The following PCOLCE2 variants were observed in gnomAD, a reference collection of about 807,000 sequenced individuals.
PCOLCE2 encodes the protein procollagen C-proteinase enhancer 2.
Under a neutral mutation model 47.0 loss-of-function variants are expected in PCOLCE2, and 42 were observed. The ratio of observed to expected loss-of-function variants is 0.89; its 90% confidence interval spans 0.70 to 1.16. PCOLCE2 has a LOEUF of 1.16. Among genes scored for constraint, PCOLCE2 ranks in the 50% most tolerant of loss-of-function variants. The pLI is 0.00. For missense variants in PCOLCE2, 500 were observed against 526.1 expected (o/e 0.95, Z 0.49); for synonymous variants, 169 against 191.7 (o/e 0.88, Z 0.98).
intron 8 of PCOLCE2, 75 bp downstream of exon 8, chr3:142,820,803 T>G (rs564243552): frequency 2.3e-5 from 30 of 1,318,996 alleles, no homozygotes; most frequent in Admixed American, 1.1e-4. Flanking sequence ...TAGCCCTGAT[T>G]TTACTTCCCT....
chr3:142,884,529 CAA>C (rs1933686071), intron 2 of PCOLCE2, among the ~76,000 whole-genome samples: 3 of 152,184 alleles, frequency 2.0e-5, no homozygotes, highest in Non-Finnish European at 4.4e-5. Flanking sequence ...TCATGGATTA[CAA>C]AATATTCAAC....
At chr3:142,859,360 G>A (rs1036127883) in intron 2 of PCOLCE2, among the ~76,000 whole-genome samples, 1 of 151,698 alleles carries the variant, frequency 6.6e-6, no homozygotes, top group African/African-American at 2.4e-5. Flanking sequence ...AGCACACCTG[G>A]CCCATGTTTT....
intron 2 of PCOLCE2, chr3:142,863,742 A>G (rs1332637929): frequency 6.6e-6 from 1 of 152,236 alleles, no homozygotes; most frequent in Non-Finnish European, 1.5e-5. Context: ...CAAGCCTCCC[A>G]ACAACCTAGC....
At chr3:142,876,766 A>T (rs1255096522) in intron 2 of PCOLCE2, among the ~76,000 whole-genome samples, 1 of 152,190 alleles carries the variant, frequency 6.6e-6, no homozygotes, top group Non-Finnish European at 1.5e-5. Context: ...TCCTCACAGC[A>T]TGGTGGGCCT....
intron 2 of PCOLCE2, among the ~76,000 whole-genome samples, chr3:142,868,817 T>C (rs1422484922): frequency 6.6e-6 from 1 of 152,178 alleles, no homozygotes; most frequent in Admixed American, 6.5e-5. Flanking sequence ...CATTGCTCCA[T>C]CTGTAAGGGC....
Position 142,848,279 on chromosome 3 carries a change from T to A in PCOLCE2, c.386A>T (p.Asp129Val). Residue 129 changes from aspartate (D) to valine (V), a missense_variant, in exon 3 of 9, where the codon GAT (aspartate) becomes GTT (valine). Physicochemically the swap from Asp to Val is radical, Grantham distance 152. Coordinates refer to ENST00000295992, the MANE Select transcript of PCOLCE2 (RefSeq NM_013363.4). ...GAAGCCATTGCCAGCTGTGTTGGCA[T>A]CAGAAATCATCTGCACCATCATCTT... ...GNKMMVQMISDANTAGNGFMA... is the reference protein window; with the variant it reads ...GNKMMVQMISVANTAGNGFMA... 6.2e-7 allele frequency: 1 copy of A among 1,614,168 alleles called. No homozygotes were observed. Among genetic ancestry groups the A allele is most frequent in the African/African-American group, 1.3e-5 (1 of 75,046 alleles).
chr3:142,882,944 T>TA (rs1232724753), intron 2 of PCOLCE2, among the ~76,000 whole-genome samples: 1 of 152,024 alleles, frequency 6.6e-6, no homozygotes, highest in African/African-American at 2.4e-5. Context: ...CTCACGCCTG[T>TA]AATCCCAGCA....
chr3:142,858,502 G>A (rs530356720), intron 2 of PCOLCE2, among the ~76,000 whole-genome samples: 1 of 152,110 alleles, frequency 6.6e-6, no homozygotes, highest in African/African-American at 2.4e-5. Flanking sequence ...ACACACATGC[G>A]CACACATATA....
intron 2 of PCOLCE2, among the ~76,000 whole-genome samples, chr3:142,877,472 G>A (rs1328872592): frequency 6.6e-6 from 1 of 152,196 alleles, no homozygotes; most frequent in Non-Finnish European, 1.5e-5. Context: ...ACCTGGAAGG[G>A]AGGTTAAAAA....
At chr3:142,866,828 T>C (rs1289570518) in intron 2 of PCOLCE2, among the ~76,000 whole-genome samples, 1 of 152,202 alleles carries the variant, frequency 6.6e-6, no homozygotes, top group African/African-American at 2.4e-5. Flanking sequence ...GAAAATGGCC[T>C]GAAAAACCAG....
chr3:142,881,424 T>C (rs1055772971), intron 2 of PCOLCE2, among the ~76,000 whole-genome samples: 1 of 152,246 alleles, frequency 6.6e-6, no homozygotes, highest in African/African-American at 2.4e-5. Flanking sequence ...TTATTTTTAG[T>C]TCCATGATTT....
intron 6 of PCOLCE2, chr3:142,827,434 C>A (rs908834488): frequency 3.5e-5 from 54 of 1,561,276 alleles, no homozygotes; most frequent in Non-Finnish European, 4.8e-5. Flanking sequence ...TCACACGGGT[C>A]TTCTTGGTCT....
At chr3:142,833,018 C>G (rs758921699) in intron 5 of PCOLCE2, among the ~76,000 whole-genome samples, 6 of 152,206 alleles carry the variant, frequency 3.9e-5, no homozygotes. Context: ...AGGGCTGCCC[C>G]TCCTCCACCC....
At chr3:142,876,774 C>T (rs1933505329) in intron 2 of PCOLCE2, among the ~76,000 whole-genome samples, 1 of 152,192 alleles carries the variant, frequency 6.6e-6, no homozygotes, top group African/African-American at 2.4e-5. Flanking sequence ...GCATGGTGGG[C>T]CTTATATGGC....
intron 6 of PCOLCE2, among the ~76,000 whole-genome samples, chr3:142,823,997 C>A (rs1271601633): frequency 3.3e-5 from 5 of 152,310 alleles, no homozygotes; most frequent in Admixed American, 6.5e-5. Context: ...CCTCACTTTA[C>A]AAAAGGAATC....
chr3:142,888,846 GGCGGCAGCCA>G lies in PCOLCE2; in HGVS notation c.41_50del (p.Leu14ProfsTer54). 6.5e-7 allele frequency: 1 copy of G among 1,547,052 alleles called. No individual in the cohort carries two copies. Among genetic ancestry groups the G allele is most frequent in the Non-Finnish European group, 8.7e-7 (1 of 1,149,480 alleles). ...GGGACTGCTGCCGCGAGAGCTGGGT[GGCGGCAGCCA>G]GCAGCAGGCAGAGTGGCGCCCAGGC... On this transcript the variant is annotated frameshift_variant, in exon 1 of 9. Coordinates refer to ENST00000295992, the MANE Select transcript of PCOLCE2 (RefSeq NM_013363.4). LOFTEE classifies it high-confidence loss of function.
chr3:142,886,467 T>C (rs1290976922), intron 2 of PCOLCE2, among the ~76,000 whole-genome samples: 1 of 152,248 alleles, frequency 6.6e-6, no homozygotes, highest in Non-Finnish European at 1.5e-5. Context: ...CAAACTTATT[T>C]TCTATGACTT....
Position 142,842,796 on chromosome 3 carries a change from C to G in PCOLCE2, c.573+128G>C. On this transcript the variant is annotated intron_variant, in intron 4 of 8. Coordinates refer to ENST00000295992, the MANE Select transcript of PCOLCE2 (RefSeq NM_013363.4). This position sits in a 1 kb window ranked among gnomAD's most constrained non-coding sequence, Gnocchi z 4.1. Reference sequence around the variant, plus strand: ...ATGAAGAAATACCTGTGTCCAGGAACCTTCCTCTTCTTGTATCCCTTAGCT... The same window carrying G: ...ATGAAGAAATACCTGTGTCCAGGAAGCTTCCTCTTCTTGTATCCCTTAGCT... 2.3e-6 allele frequency: 2 copies of G among 859,646 alleles called. No homozygotes were observed. Among genetic ancestry groups the G allele is most frequent in the Non-Finnish European group, 1.8e-6 (1 of 543,374 alleles). 53.3% of individuals were successfully genotyped at this position (859,646 alleles called of 1,614,324 possible).
At position 142,818,471 on chromosome 3, in the gene PCOLCE2, G is replaced by T. The variant is rs775271229; in HGVS notation, c.1118-6C>A. 11 of 1,605,564 alleles carry T rather than the reference G, an allele frequency of 6.9e-6. No homozygotes were observed. Among genetic ancestry groups the T allele is most frequent in the Non-Finnish European group, 8.5e-6 (10 of 1,172,514 alleles). Reference sequence around the variant, plus strand: ...CATAATAATGTAATTTAGACCTAAAGAAAGAGAATACAGAAATTAATCTTT... The same window carrying T: ...CATAATAATGTAATTTAGACCTAAATAAAGAGAATACAGAAATTAATCTTT... On this transcript the variant is annotated splice_region_variant and splice_polypyrimidine_tract_variant and intron_variant, in intron 8 of 8. Transcript: ENST00000295992.
Sources: gnomAD v4.1 joint callset for allele counts (sites outside exome capture counted in the v4.1 genomes callset) on GRCh38, gnomAD v4.1.1 for gene constraint, Gnocchi (gnomAD v3.1) non-coding constraint, MANE v1.5 for transcripts, NCBI Gene and HGNC (gene_info 2026-07-23, HGNC 2026-07-21) for gene names.